The following SORBS2 variants were observed in gnomAD, a reference collection of about 807,000 sequenced individuals.
The protein encoded by SORBS2 is sorbin and SH3 domain-containing protein 2.
SORBS2 carries 46 observed loss-of-function variants against 97.7 expected under a neutral mutation model. The observed-to-expected ratio is 0.47, with a 90% CI of 0.37 to 0.60. The LOEUF (loss-of-function observed/expected upper bound fraction) is 0.60, where lower values mean the gene tolerates loss of function less well. SORBS2 is among the 20% of genes least tolerant of loss of function. The probability of loss-of-function intolerance (pLI) is 0.00; values close to 1 mark genes in which losing one functional copy is unlikely to be tolerated. For missense variants in SORBS2, 1,316 were observed against 1,282.3 expected (o/e 1.03, Z -0.40); for synonymous variants, 476 against 473.4 (o/e 1.01, Z -0.07).
chr4:185,638,887 G>A, intron 4 of SORBS2: 1 of 1,477,396 alleles, frequency 6.8e-7, no homozygotes, highest in Non-Finnish European at 8.9e-7. Flanking sequence ...CCGGGTGGGA[G>A]ACAGAGCCGG....
At chr4:185,625,950 A>G (rs2096803318) in intron 6 of SORBS2, among the ~76,000 whole-genome samples, 1 of 152,224 alleles carries the variant, frequency 6.6e-6, no homozygotes, top group Admixed American at 6.5e-5. Context: ...CAATTTCTTT[A>G]CACATTTCAA....
chr4:185,855,217 C>T (rs1047736701), intron 1 of SORBS2, among the ~76,000 whole-genome samples: 2 of 152,144 alleles, frequency 1.3e-5, no homozygotes, highest in Non-Finnish European at 2.9e-5. Context: ...TAAGTGAGGC[C>T]TTCCCCTCTG....
At chr4:185,708,334 G>A (rs2098377238) in intron 2 of SORBS2, among the ~76,000 whole-genome samples, 1 of 152,162 alleles carries the variant, frequency 6.6e-6, no homozygotes, top group African/African-American at 2.4e-5. Context: ...TATTGTCACA[G>A]GTACATGTAA....
At chr4:185,738,356 A>G (rs1375575496) in intron 2 of SORBS2, among the ~76,000 whole-genome samples, 1 of 152,218 alleles carries the variant, frequency 6.6e-6, no homozygotes, top group Admixed American at 6.5e-5. Context: ...TGATTTAACT[A>G]ATTCCTGTCA....
intron 2 of SORBS2, among the ~76,000 whole-genome samples, chr4:185,697,212 A>G (rs2098188359): frequency 6.6e-6 from 1 of 152,180 alleles, no homozygotes; most frequent in Admixed American, 6.5e-5. Flanking sequence ...TAATATTTCA[A>G]ATATTTTGAA....
At chr4:185,670,892 C>A (rs1472130088) in intron 4 of SORBS2, among the ~76,000 whole-genome samples, 2 of 152,144 alleles carry the variant, frequency 1.3e-5, no homozygotes, top group African/African-American at 4.8e-5. Context: ...CTGCCTCCCT[C>A]CTGGGAATTT....
chr4:185,826,924 T>G (rs1446209943), intron 1 of SORBS2, among the ~76,000 whole-genome samples: 1 of 152,178 alleles, frequency 6.6e-6, no homozygotes, highest in Non-Finnish European at 1.5e-5. Flanking sequence ...CAAATGAATC[T>G]TTTTACTTGT....
chr4:185,827,003 CT>C (rs1435134623), intron 1 of SORBS2, among the ~76,000 whole-genome samples: 1 of 132,750 alleles, frequency 7.5e-6, no homozygotes, highest in African/African-American at 2.8e-5. Context: ...TACCCCACCC[CT>C]GACTACGTCA....
chr4:185,756,727 T>TA (rs1012556687), intron 2 of SORBS2, among the ~76,000 whole-genome samples: 2 of 151,598 alleles, frequency 1.3e-5, no homozygotes, highest in Non-Finnish European at 2.9e-5. Context: ...AGCTTTTTTT[T>TA]TTTTTTTTTT....
chr4:185,838,951 T>C (rs1028588507), intron 1 of SORBS2, among the ~76,000 whole-genome samples: 5 of 152,298 alleles, frequency 3.3e-5, no homozygotes, highest in Admixed American at 1.3e-4. Context: ...TCTATGTTGT[T>C]TCTTTGTCCT....
intron 4 of SORBS2, among the ~76,000 whole-genome samples, chr4:185,667,520 C>T (rs1044737061): frequency 3.3e-5 from 5 of 151,876 alleles, no homozygotes; most frequent in Non-Finnish European, 5.9e-5. Flanking sequence ...CAAATTCATA[C>T]ATACAGAAAG....
chr4:185,633,891 C>T (rs1267072956), intron 4 of SORBS2, among the ~76,000 whole-genome samples: 2 of 151,868 alleles, frequency 1.3e-5, no homozygotes, highest in Non-Finnish European at 2.9e-5. Flanking sequence ...CTAGAAATAT[C>T]TGAGAAAAAT....
At chr4:185,743,893 T>C (rs539399433) in intron 2 of SORBS2, among the ~76,000 whole-genome samples, 3 of 145,350 alleles carry the variant, frequency 2.1e-5, no homozygotes, top group African/African-American at 5.1e-5. Context: ...TCCTCCTCCT[T>C]CTTCTTCTCC....
At chr4:185,890,948 T>TTGAATGAATGAA (rs10526809) in intron 1 of SORBS2, among the ~76,000 whole-genome samples, 130,153 of 151,728 alleles carry the variant, frequency 0.86, 56,062 homozygotes, top group East Asian at 0.97. Context: ...ATAGTAAATA[T>TTGAATGAATGAA]TGAATGAATG....
chr4:185,708,941 T>G (rs925692452), intron 2 of SORBS2, among the ~76,000 whole-genome samples: 1 of 152,270 alleles, frequency 6.6e-6, no homozygotes, highest in Non-Finnish European at 1.5e-5. Context: ...AATCTTTATA[T>G]CTATTTCTAC....
intron 3 of SORBS2, among the ~76,000 whole-genome samples, chr4:185,649,021 A>G (rs2097264193): frequency 6.6e-6 from 1 of 152,212 alleles, no homozygotes; most frequent in Non-Finnish European, 1.5e-5. Context: ...AGCTTGAAAA[A>G]CTGGTAGAAA....
At chr4:185,699,045 C>A (rs2098220889) in intron 2 of SORBS2, among the ~76,000 whole-genome samples, 1 of 152,078 alleles carries the variant, frequency 6.6e-6, no homozygotes, top group South Asian at 2.1e-4. Context: ...TCCTGAGCAC[C>A]TGAAATAACA....
chr4:185,879,300 G>A (rs1286393228), intron 1 of SORBS2, among the ~76,000 whole-genome samples: 1 of 151,278 alleles, frequency 6.6e-6, no homozygotes, highest in Non-Finnish European at 1.5e-5. Context: ...ATAGTTTGCT[G>A]AGAATGATGG....
At chr4:185,920,693 C>T (rs180781736) in intron 1 of SORBS2, among the ~76,000 whole-genome samples, 9 of 152,174 alleles carry the variant, frequency 5.9e-5, no homozygotes, top group African/African-American at 1.9e-4. Flanking sequence ...AGTGTATCTG[C>T]GAATTTTCAC....
Sources: allele counts gnomAD v4.1 joint callset (sites outside exome capture counted in the v4.1 genomes callset), GRCh38; gene constraint gnomAD v4.1.1; transcripts MANE v1.5; gene names NCBI Gene and HGNC (gene_info 2026-07-23, HGNC 2026-07-21).